Variants in TTN observed in about 807,000 individuals in gnomAD.
TTN encodes connectin.
Under a neutral mutation model 3,223.0 loss-of-function variants are expected in TTN, and 1,525 were observed. The ratio of observed to expected loss-of-function variants is 0.47; its 90% confidence interval spans 0.45 to 0.49. The LOEUF (loss-of-function observed/expected upper bound fraction) is 0.49, where lower values mean the gene tolerates loss of function less well. Ranked by LOEUF, TTN falls within the 20% of genes least tolerant of loss-of-function variation. The probability of loss-of-function intolerance (pLI) is 0.00; values close to 1 mark genes in which losing one functional copy is unlikely to be tolerated. For synonymous variants in TTN, 14,094 were observed against 15,161.0 expected, an observed-to-expected ratio of 0.93 and a Z score of 5.17; for missense variants, 40,786 against 43,424.0, an observed-to-expected ratio of 0.94 and a Z score of 5.40.
At position 178,647,141 on chromosome 2, in the gene TTN, T is replaced by A. The variant is rs751403450; in HGVS notation, c.40145A>T (p.Glu13382Val). 7.0e-6 allele frequency: 10 copies of A among 1,428,158 alleles called. No individual in the cohort carries two copies. The highest frequency in any genetic ancestry group is 9.2e-6 in the Non-Finnish European group (10 of 1,082,084). The allele number at this position is 1,428,158 out of a possible 1,614,324, so 88.5% of individuals were successfully genotyped here. The change falls in exon 215 of 363, where the codon GAA becomes GTA. Residue 13382 changes from glutamate to valine, a missense_variant. Glu to Val is a moderately radical substitution (Grantham distance 121, BLOSUM62 -2). Coordinates refer to ENST00000589042, the MANE Select transcript of TTN (RefSeq NM_001267550.2). ...AEPEVPPAEVEETPEEIIYEE... is the reference protein window; with the variant it reads ...AEPEVPPAEVVETPEEIIYEE... ...ATATATTATTTCCTCAGGAGTCTCT[T>A]CAACTTTAAAAAACATAGTATTTTA...
intron 111 of TTN, among the ~76,000 whole-genome samples, chr2:178,700,487 A>T (rs970109492): frequency 6.6e-6 from 1 of 152,202 alleles, no homozygotes; most frequent in Non-Finnish European, 1.5e-5. Context: ...TGAACTCCCT[A>T]TAACTCCAGA....
Position 178,530,973 on chromosome 2 carries a change from G to T in TTN, c.105642C>A (p.Phe35214Leu), listed in dbSNP as rs560557634. The change falls in exon 358 of 363, where the codon TTC becomes TTA. Residue 35214 changes from phenylalanine to leucine, a missense_variant. Phe to Leu is a conservative substitution (Grantham distance 22, BLOSUM62 0). Transcript: ENST00000589042. ...ENSEGKQEAE[F>L]TLTIQKARVT... ...CCCTGGCCTTTTGAATAGTCAGAGT[G>T]AACTCTGCTTCTTGTTTCCCTTCAC... The T allele has an allele frequency of 1.1e-5, 18 of 1,613,964 alleles. No homozygotes were observed. In the East Asian group the frequency reaches 3.8e-4, roughly 34 times the overall value.
rs768247809 is a variant in TTN at position 178,709,759 on chromosome 2, G to C, written c.28560C>G (p.Ser9520=). The C allele has an allele frequency of 8.7e-6, 14 of 1,613,662 alleles. No homozygotes were observed. Among genetic ancestry groups the C allele is most frequent in the Admixed American group, 6.7e-5 (4 of 59,976 alleles). ...SFKLEGRVAG[S]QPITVAWYKN... is the part of the protein sequence containing the mutation. ...TGTACCAGGCAACAGTTATAGGTTG[G>C]GAACCAGCCACACGTCCCTCAAGTT... The change falls in exon 99 of 363, where the codon TCC becomes TCG. Residue 9520 remains serine, a synonymous_variant. Transcript: ENST00000589042.
In TTN at chr2:178,592,220, T is replaced by G. The variant is rs1355833226; in HGVS notation, c.59684A>C (p.Tyr19895Ser). 2 of 1,611,676 alleles carry G rather than the reference T, an allele frequency of 1.2e-6. No individual in the cohort carries two copies. The highest frequency in any genetic ancestry group is 2.7e-5 in the African/African-American group (2 of 74,878). The change falls in exon 302 of 363, where the codon TAC becomes TCC. Residue 19895 changes from tyrosine (Y) to serine (S), a missense_variant. Physicochemically the swap from Tyr to Ser is moderately radical, Grantham distance 144. Coordinates refer to ENST00000589042, the MANE Select transcript of TTN (RefSeq NM_001267550.2). ...EVSEIRKDSC[Y>S]LTWKEPLDDG... Reference sequence around the variant, plus strand: ...ATCCAGTGGTTCTTTCCAAGTAAGGTAACATGAATCTTTCCTAATTTCACT... The same window carrying G: ...ATCCAGTGGTTCTTTCCAAGTAAGGGAACATGAATCTTTCCTAATTTCACT...
intron 133 of TTN, 105 bp downstream of exon 133, chr2:178,683,894 T>C (rs1187269818): frequency 1.2e-6 from 1 of 816,408 alleles, no homozygotes; most frequent in African/African-American, 1.8e-5. Flanking sequence ...TATTGCTTAC[T>C]TTATACTATG....
chr2:178,562,957 G>T lies in TTN; in HGVS notation c.83175C>A (p.Thr27725=), dbSNP rs1704233908. The change falls in exon 326 of 363, where the codon ACC becomes ACA. Residue 27725 remains threonine (T), a synonymous_variant. Coordinates refer to ENST00000589042, the MANE Select transcript of TTN (RefSeq NM_001267550.2). ...ILTDRAQIEV[T]SSFTMLVIDN... ...CAATCACCAACATTGTAAATGAGCT[G>T]GTCACCTCTATCTGAGCCCTGTCAG... 6.2e-7 allele frequency: 1 copy of T among 1,613,504 alleles called. No homozygotes were observed. The highest frequency in any genetic ancestry group is 1.3e-5 in the African/African-American group (1 of 74,876).
chr2:178,644,107 A>G (rs2061578640), intron 218 of TTN, among the ~76,000 whole-genome samples: 1 of 151,990 alleles, frequency 6.6e-6, no homozygotes, highest in Admixed American at 6.6e-5. Context: ...AGTCCTAAGG[A>G]AATCCCTACA....
intron 16 of TTN, 42 bp downstream of exon 16, chr2:178,784,028 A>G (rs568950285): frequency 6.2e-7 from 1 of 1,611,254 alleles, no homozygotes; most frequent in Admixed American, 1.7e-5. Context: ...GGCCCTGCTC[A>G]ATGGGAGTGG....
intron 336 of TTN, chr2:178,550,597 C>A: frequency 2.5e-6 from 1 of 406,216 alleles, no homozygotes; most frequent in Non-Finnish European, 4.4e-6. Context: ...AGGCCATCAG[C>A]TGCATTCAAG....
intron 293 of TTN, 38 bp downstream of exon 293, chr2:178,597,870 C>T (rs746515376): frequency 6.2e-7 from 1 of 1,612,750 alleles, no homozygotes; most frequent in Non-Finnish European, 8.5e-7. Context: ...CAATCTGAAA[C>T]ATAAATACTG....
At chr2:178,666,159 A>G (rs2065893121) in intron 163 of TTN, among the ~76,000 whole-genome samples, 1 of 152,108 alleles carries the variant, frequency 6.6e-6, no homozygotes. Flanking sequence ...AGGCACCTTA[A>G]AAAGGTGAGT....
At chr2:178,606,910 T>C in intron 278 of TTN, 111 bp downstream of exon 278, 1 of 1,222,180 alleles carries the variant, frequency 8.2e-7, no homozygotes, top group Non-Finnish European at 1.1e-6. Flanking sequence ...CTTATTACTC[T>C]TTAGCTATAG....
In TTN at chr2:178,608,596, G is replaced by C. The variant is rs369447385; in HGVS notation, c.52405+10C>G. The C allele has an allele frequency of 1.2e-6, 2 of 1,605,976 alleles. No individual in the cohort carries two copies. Among genetic ancestry groups the C allele is most frequent in the Admixed American group, 1.7e-5 (1 of 58,702 alleles). On this transcript the variant is annotated intron_variant, in intron 274 of 362. Transcript: ENST00000589042. ...AAAAAGGCAAACTTTAGATGCCAAA[G>C]GAAACTTACCAAATGGATCTTTAGC...
Position 178,574,435 on chromosome 2 carries a change from G to T in TTN, c.71697C>A (p.Phe23899Leu). ...CTGCCATGTTTTCTGCAATCACCCG[G>T]AACTCATAAGCAATACCATCTGTAA... is the stretch of plus-strand genomic sequence containing the variant. ...SGLTDGIAYE[F>L]RVIAENMAGK... Residue 23899 changes from phenylalanine to leucine, a missense_variant, in exon 326 of 363, where the codon TTC (phenylalanine) becomes TTA (leucine). Coordinates refer to ENST00000589042, the MANE Select transcript of TTN (RefSeq NM_001267550.2). 2 of 1,613,514 alleles carry T rather than the reference G, an allele frequency of 1.2e-6. No homozygotes were observed. Among genetic ancestry groups the T allele is most frequent in the Non-Finnish European group, 1.7e-6 (2 of 1,179,606 alleles).
Position 178,542,845 on chromosome 2 carries a change from C to T in TTN, c.97009G>A (p.Ala32337Thr). The T allele has an allele frequency of 6.2e-7, 1 of 1,613,824 alleles. No homozygotes were observed. ...GAACCAGCAAAGAACCAGGAAGCAG[C>T]AGGAGGTGGACGGCCAGCAATAGGT... is the stretch of plus-strand genomic sequence containing the variant. ...VIPIAGRPPP[A>T]ASWFFAGSKL... The change falls in exon 348 of 363, where the codon GCT (alanine) becomes ACT (threonine). Residue 32337 changes from alanine to threonine, a missense_variant. Physicochemically the swap from Ala to Thr is moderately conservative, Grantham distance 58. Coordinates refer to ENST00000589042, the MANE Select transcript of TTN (RefSeq NM_001267550.2).
At chr2:178,780,270 A>C in intron 21 of TTN, 65 bp from the exon 22 acceptor site, 1 of 1,423,780 alleles carries the variant, frequency 7.0e-7, no homozygotes, top group Non-Finnish European at 9.9e-7. Flanking sequence ...ACCACTATGC[A>C]TTCAGGTAAA....
rs1372936503 is a variant in TTN at position 178,793,454 on chromosome 2, T to C, written c.1486A>G (p.Lys496Glu). Residue 496 changes from lysine to glutamate, a missense_variant, in exon 9 of 363, where the codon AAA becomes GAA. Coordinates refer to ENST00000589042, the MANE Select transcript of TTN (RefSeq NM_001267550.2). ...AKEQELKSRT[K>E]EVITTKQEQM... Reference sequence around the variant, plus strand: ...TCTTGCTTTGTGGTAATTACTTCTTTGGTTCTTGATTTTAATTCTTGTTCC... The same window carrying C: ...TCTTGCTTTGTGGTAATTACTTCTTCGGTTCTTGATTTTAATTCTTGTTCC... 2 of 1,614,198 alleles carry C rather than the reference T, an allele frequency of 1.2e-6. No individual in the cohort carries two copies. Among genetic ancestry groups the C allele is most frequent in the Non-Finnish European group, 8.5e-7 (1 of 1,180,022 alleles).
Position 178,770,500 on chromosome 2 carries a change from C to T in TTN, c.8292G>A (p.Leu2764=), listed in dbSNP as rs727503687. 7 of 1,614,028 alleles carry T rather than the reference C, an allele frequency of 4.3e-6. No homozygotes were observed. Among genetic ancestry groups the T allele is most frequent in the Non-Finnish European group, 5.9e-6 (7 of 1,180,020 alleles). The change falls in exon 35 of 363, where the codon CTG becomes CTA. Residue 2764 remains leucine (L), a synonymous_variant. Transcript: ENST00000589042. Reference sequence around the variant, plus strand: ...CCACGATGGCACAGTTTTTAATCCTCAGAGAGTAAATTGTTCCTTTGACAG... The same window carrying T: ...CCACGATGGCACAGTTTTTAATCCTTAGAGAGTAAATTGTTCCTTTGACAG... ...AISVKGTIYS[L]RIKNCAIVDE...
chr2:178,767,470 T>A (rs1483832930), intron 40 of TTN, among the ~76,000 whole-genome samples: 1 of 152,224 alleles, frequency 6.6e-6, no homozygotes, highest in Non-Finnish European at 1.5e-5. Context: ...ACATTTTAAT[T>A]CTTTTCTGGT....
Sources: allele counts gnomAD v4.1 joint callset (sites outside exome capture counted in the v4.1 genomes callset), GRCh38; gene constraint gnomAD v4.1.1; transcripts MANE v1.5; gene names NCBI Gene and HGNC (gene_info 2026-07-23, HGNC 2026-07-21).